Variants in TRABD2B observed in about 807,000 individuals in gnomAD.
The protein encoded by TRABD2B is metalloprotease TIKI2.
TRABD2B carries 14 observed loss-of-function variants against 40.1 expected under a neutral mutation model. The ratio of observed to expected loss-of-function variants is 0.35; its 90% confidence interval spans 0.23 to 0.55. The LOEUF (loss-of-function observed/expected upper bound fraction) is 0.55, where lower values mean the gene tolerates loss of function less well. TRABD2B is among the 20% of genes least tolerant of loss of function. The pLI is 0.90. For synonymous variants in TRABD2B, 263 were observed against 277.0 expected (o/e 0.95, Z 0.50); for missense variants, 541 against 648.6 (o/e 0.83, Z 1.80).
intron 2 of TRABD2B, among the ~76,000 whole-genome samples, chr1:47,871,767 T>C (rs1644144401): frequency 6.6e-6 from 1 of 152,314 alleles, no homozygotes; most frequent in South Asian, 2.1e-4. Flanking sequence ...TCCATTCCAG[T>C]GCTCTGTCTT....
intron 2 of TRABD2B, among the ~76,000 whole-genome samples, chr1:47,892,058 C>T (rs1233797698): frequency 6.6e-6 from 1 of 152,188 alleles, no homozygotes; most frequent in Admixed American, 6.5e-5. Flanking sequence ...GCTCCAGGCT[C>T]TGTGAGAAGC....
At chr1:47,783,031 A>G (rs1416722594) in intron 4 of TRABD2B, among the ~76,000 whole-genome samples, 11 of 151,888 alleles carry the variant, frequency 7.2e-5, no homozygotes, top group Admixed American at 7.2e-4. Context: ...AGGGAGGACC[A>G]TGGGGTGGGG....
chr1:47,897,052 C>T (rs1261220154), intron 2 of TRABD2B, among the ~76,000 whole-genome samples: 1 of 151,952 alleles, frequency 6.6e-6, no homozygotes, highest in Non-Finnish European at 1.5e-5. Context: ...GGACAGTAAA[C>T]AAAAAACATA....
At chr1:47,943,929 C>T (rs887563136) in intron 2 of TRABD2B, among the ~76,000 whole-genome samples, 2 of 152,220 alleles carry the variant, frequency 1.3e-5, no homozygotes, top group African/African-American at 4.8e-5. Flanking sequence ...TTGCTTTACA[C>T]ACATTATGTC....
At chr1:47,882,882 G>A (rs1333929696) in intron 2 of TRABD2B, among the ~76,000 whole-genome samples, 2 of 152,152 alleles carry the variant, frequency 1.3e-5, no homozygotes, top group African/African-American at 4.8e-5. Context: ...ACCCCAGGAA[G>A]GAGGCAGGTA....
At chr1:47,843,544 C>A (rs577444041) in intron 2 of TRABD2B, among the ~76,000 whole-genome samples, 10 of 152,150 alleles carry the variant, frequency 6.6e-5, no homozygotes, top group Non-Finnish European at 1.3e-4. Flanking sequence ...AACAACCAGA[C>A]GGAGTGTCAG....
chr1:47,956,535 C>T (rs1275242266), intron 2 of TRABD2B, among the ~76,000 whole-genome samples: 1 of 152,344 alleles, frequency 6.6e-6, no homozygotes, highest in African/African-American at 2.4e-5. Flanking sequence ...ATGGTCTTAG[C>T]AAACAGCACA....
chr1:47,852,062 T>C (rs1645556450), intron 2 of TRABD2B, among the ~76,000 whole-genome samples: 1 of 152,096 alleles, frequency 6.6e-6, no homozygotes, highest in Non-Finnish European at 1.5e-5. Context: ...ATTCTAGAGC[T>C]CTGTGCTAAG....
At chr1:47,989,586 G>C (rs947652801) in intron 2 of TRABD2B, among the ~76,000 whole-genome samples, 1 of 152,158 alleles carries the variant, frequency 6.6e-6, no homozygotes, top group African/African-American at 2.4e-5. Flanking sequence ...GAAAGTTTGG[G>C]ACATATTCCC....
chr1:47,844,252 C>T (rs953063304), intron 2 of TRABD2B, among the ~76,000 whole-genome samples: 1 of 152,176 alleles, frequency 6.6e-6, no homozygotes, highest in South Asian at 2.1e-4. Flanking sequence ...TTTGAATAGG[C>T]CTTTTTCTCC....
chr1:47,767,872 T>G (rs1569867903), intron 6 of TRABD2B, among the ~76,000 whole-genome samples: 1 of 152,358 alleles, frequency 6.6e-6, no homozygotes, highest in African/African-American at 2.4e-5. Flanking sequence ...ATAATCACAG[T>G]GGTGACAGCC....
At chr1:47,870,082 C>G (rs1644118874) in intron 2 of TRABD2B, among the ~76,000 whole-genome samples, 2 of 152,162 alleles carry the variant, frequency 1.3e-5, no homozygotes, top group African/African-American at 4.8e-5. Flanking sequence ...GCCTACCTGG[C>G]AAGGAAACCT....
intron 4 of TRABD2B, among the ~76,000 whole-genome samples, chr1:47,780,634 C>A (rs1474037962): frequency 6.6e-6 from 1 of 152,096 alleles, no homozygotes; most frequent in Non-Finnish European, 1.5e-5. Context: ...CTGGAGGGGG[C>A]ACTGCTAGCT....
chr1:47,767,610 G>A (rs1032532688), intron 6 of TRABD2B, among the ~76,000 whole-genome samples: 3 of 152,244 alleles, frequency 2.0e-5, no homozygotes, highest in African/African-American at 7.2e-5. Flanking sequence ...ACACAAAACA[G>A]GGCCAGGATC....
chr1:47,838,955 G>C lies in TRABD2B; in HGVS notation c.667-37336C>G, dbSNP rs147780602. Among the ~76,000 whole-genome samples, 233 of 152,340 alleles carry C rather than the reference G, an allele frequency of 1.5e-3. 2 individuals carry two copies. The highest frequency in any genetic ancestry group is 6.6e-3 in the Admixed American group (101 of 15,302). ...CTCCAGCTGGCTTGCGGCCTGGGCTGTTTCTGTCTGCCCTTGTTACTCTGA... is the reference window on the plus strand; with the variant it reads ...CTCCAGCTGGCTTGCGGCCTGGGCTCTTTCTGTCTGCCCTTGTTACTCTGA... On this transcript the variant is annotated intron_variant, in intron 2 of 6. Transcript: ENST00000606738.
intron 2 of TRABD2B, among the ~76,000 whole-genome samples, chr1:47,975,773 C>G (rs1051173884): frequency 3.3e-5 from 5 of 152,234 alleles, no homozygotes; most frequent in African/African-American, 1.2e-4. Flanking sequence ...GCAATACAAA[C>G]TATAAATGGC....
chr1:47,884,379 C>T (rs1054633465), intron 2 of TRABD2B, among the ~76,000 whole-genome samples: 9 of 152,174 alleles, frequency 5.9e-5, no homozygotes, highest in African/African-American at 7.2e-5. Flanking sequence ...TCACACAACA[C>T]GGTAGAAAAT....
At chr1:47,843,695 G>GC (rs1645430119) in intron 2 of TRABD2B, among the ~76,000 whole-genome samples, 1 of 152,164 alleles carries the variant, frequency 6.6e-6, no homozygotes, top group South Asian at 2.1e-4. Flanking sequence ...CTGTGAAGGA[G>GC]TGGCCAGCCA....
rs1646103695 is a variant in TRABD2B, at chr1:47,997,042, G to A, written c.-253C>T. 9.5e-7 allele frequency: 1 copy of A among 1,057,190 alleles called. No individual in the cohort carries two copies. Among genetic ancestry groups the A allele is most frequent in the Non-Finnish European group, 1.1e-6 (1 of 877,650 alleles). The allele number at this position is 1,057,190 out of a possible 1,614,324, so 65.5% of individuals were successfully genotyped here. ...CCGGGCGCTCAACCTCGCTGGCCGA[G>A]CCCCCGGGTGCTGAGGGCGTGTTGG... On this transcript the variant is annotated 5_prime_UTR_variant, in exon 1 of 7. Transcript: ENST00000606738.
Sources: gnomAD v4.1 joint callset for allele counts (sites outside exome capture counted in the v4.1 genomes callset) on GRCh38, gnomAD v4.1.1 for gene constraint, MANE v1.5 for transcripts, NCBI Gene and HGNC (gene_info 2026-07-23, HGNC 2026-07-21) for gene names.